The following ENOX1 variants were observed in gnomAD, a reference collection of about 807,000 sequenced individuals.
ENOX1 encodes ecto-NOX disulfide-thiol exchanger 1.
ENOX1 carries 42 observed loss-of-function variants against 82.5 expected under a neutral mutation model. The observed-to-expected ratio is 0.51, with a 90% CI of 0.40 to 0.66. ENOX1 has a LOEUF of 0.66. Among genes scored for constraint, ENOX1 ranks in the 30% least tolerant of loss-of-function variants. The pLI is 0.00. For synonymous variants in ENOX1, 271 were observed against 282.2 expected, an observed-to-expected ratio of 0.96 and a Z score of 0.40; for missense variants, 608 against 811.6, an observed-to-expected ratio of 0.75 and a Z score of 3.05.
intron 3 of ENOX1, among the ~76,000 whole-genome samples, chr13:43,451,990 A>C (rs540155265): frequency 1.3e-5 from 2 of 152,348 alleles, no homozygotes; most frequent in Non-Finnish European, 2.9e-5. Flanking sequence ...TCAGTGGTTA[A>C]GGAAGGCCTC....
At chr13:43,515,575 T>G (rs934100419) in intron 2 of ENOX1, among the ~76,000 whole-genome samples, 1 of 152,174 alleles carries the variant, frequency 6.6e-6, no homozygotes, top group Non-Finnish European at 1.5e-5. Context: ...AGTATTACAA[T>G]ACTCATGTTA....
intron 2 of ENOX1, among the ~76,000 whole-genome samples, chr13:43,587,054 CAGAGCGAGACT>C (rs2081029109): frequency 7.0e-6 from 1 of 141,964 alleles, no homozygotes; most frequent in African/African-American, 2.6e-5. Context: ...AGTCTGGCGA[CAGAGCGAGACT>C]ATCTCAGAAA....
chr13:43,326,578 ATAGGGAAGCAAAGCAAAGACAC>A, intron 9 of ENOX1, 53 bp from the exon 10 acceptor site: 2 of 1,441,068 alleles, frequency 1.4e-6, no homozygotes, highest in East Asian at 2.3e-5. Context: ...TGTGATCACT[ATAGGGAAGCAAAGCAAAGACAC>A]TAGGAGTCTA....
At chr13:43,513,379 G>A (rs1039159134) in intron 2 of ENOX1, among the ~76,000 whole-genome samples, 4 of 152,076 alleles carry the variant, frequency 2.6e-5, no homozygotes, top group East Asian at 1.9e-4. Context: ...GGGGCAAAGC[G>A]GTAAGAAAAA....
intron 2 of ENOX1, among the ~76,000 whole-genome samples, chr13:43,567,156 A>G (rs2079957232): frequency 6.6e-6 from 1 of 152,190 alleles, no homozygotes; most frequent in African/African-American, 2.4e-5. Context: ...AAATATATAT[A>G]CAACTAAAAC....
chr13:43,421,528 C>A (rs1184380998), intron 3 of ENOX1, among the ~76,000 whole-genome samples: 1 of 152,152 alleles, frequency 6.6e-6, no homozygotes, highest in Admixed American at 6.5e-5. Context: ...TTTATAAAAT[C>A]ACTGAACTTT....
chr13:43,473,966 C>T (rs1286515926), intron 3 of ENOX1, among the ~76,000 whole-genome samples: 2 of 152,094 alleles, frequency 1.3e-5, no homozygotes, highest in Admixed American at 6.6e-5. Context: ...GGCTACAGCA[C>T]CAATACACCT....
At chr13:43,358,496 A>T (rs1279619180) in intron 7 of ENOX1, among the ~76,000 whole-genome samples, 1 of 152,058 alleles carries the variant, frequency 6.6e-6, no homozygotes, top group Non-Finnish European at 1.5e-5. Context: ...CTGAGGGATG[A>T]CTGCAGTTTT....
chr13:43,475,591 T>C (rs1350723729), intron 3 of ENOX1, among the ~76,000 whole-genome samples: 1 of 151,886 alleles, frequency 6.6e-6, no homozygotes, highest in East Asian at 1.9e-4. Flanking sequence ...CGAAATCATA[T>C]TTGAGAAGTG....
chr13:43,589,228 A>G (rs886677531), intron 2 of ENOX1, among the ~76,000 whole-genome samples: 1 of 150,460 alleles, frequency 6.6e-6, no homozygotes, highest in African/African-American at 2.4e-5. Context: ...AAAAAAAAAA[A>G]AAAAAAAAAA....
chr13:43,541,018 T>C (rs2078683931), intron 2 of ENOX1, among the ~76,000 whole-genome samples: 1 of 148,752 alleles, frequency 6.7e-6, no homozygotes, highest in Non-Finnish European at 1.5e-5. Flanking sequence ...TAAATTTATA[T>C]CTACAGTAAA....
At chr13:43,580,651 A>G (rs2080676018) in intron 2 of ENOX1, among the ~76,000 whole-genome samples, 1 of 152,208 alleles carries the variant, frequency 6.6e-6, no homozygotes, top group Admixed American at 6.5e-5. Context: ...AATTCTGATG[A>G]GCTAGCCAAA....
At chr13:43,402,505 TC>T (rs1010773157) in intron 5 of ENOX1, among the ~76,000 whole-genome samples, 30 of 152,328 alleles carry the variant, frequency 2.0e-4, no homozygotes, top group Non-Finnish European at 3.4e-4. Flanking sequence ...TACAGTTCTT[TC>T]CCATAGAAGA....
At chr13:43,616,204 A>ATATATATATTTT (rs1457149422) in intron 2 of ENOX1, among the ~76,000 whole-genome samples, 1 of 15,300 alleles carries the variant, frequency 6.5e-5, no homozygotes, top group Non-Finnish European at 2.1e-4. Context: ...ATATATATAT[A>ATATATATATTTT]TTTTTTTTTT....
intron 3 of ENOX1, among the ~76,000 whole-genome samples, chr13:43,413,603 T>C (rs1263511094): frequency 6.6e-6 from 1 of 151,420 alleles, no homozygotes; most frequent in Non-Finnish European, 1.5e-5. Flanking sequence ...AGGAAGAGCA[T>C]TTGGTTTTTT....
In ENOX1 at chr13:43,359,808, C is replaced by T. The variant is rs752259522; in HGVS notation, c.589+43G>A. 1.1e-5 allele frequency: 18 copies of T among 1,568,522 alleles called. 1 individual carries two copies. The South Asian group carries it at 1.7e-4, about 15-fold the overall frequency. On this transcript the variant is annotated intron_variant, in intron 7 of 16. Coordinates refer to ENST00000690772, the MANE Select transcript of ENOX1 (RefSeq NM_001347969.2). ...ATAAGCTCATATTAACATCACAAAA[C>T]ATAACAAAATGCCTAGAAAACTCCT...
At chr13:43,694,860 C>A (rs2086555055) in intron 1 of ENOX1, among the ~76,000 whole-genome samples, 1 of 152,106 alleles carries the variant, frequency 6.6e-6, no homozygotes, top group Admixed American at 6.5e-5. Flanking sequence ...GAACATTCTC[C>A]CCCTTGAAAG....
At chr13:43,472,267 C>G (rs1038507352) in intron 3 of ENOX1, among the ~76,000 whole-genome samples, 1 of 152,006 alleles carries the variant, frequency 6.6e-6, no homozygotes. Context: ...AGCCATAAAC[C>G]CACAAAAATA....
intron 16 of ENOX1, 104 bp downstream of exon 16, chr13:43,223,949 T>C (rs1052787343): frequency 3.7e-6 from 3 of 803,040 alleles, no homozygotes; most frequent in Non-Finnish European, 4.2e-6. Context: ...TCAACCCCCA[T>C]AGGCTGCTAC....
Sources: gnomAD v4.1 joint callset for allele counts (sites outside exome capture counted in the v4.1 genomes callset) on GRCh38, gnomAD v4.1.1 for gene constraint, MANE v1.5 for transcripts, NCBI Gene and HGNC (gene_info 2026-07-23, HGNC 2026-07-21) for gene names.